The following PXDNL variants were observed in gnomAD, a reference collection of about 807,000 sequenced individuals.
PXDNL encodes the protein probable oxidoreductase PXDNL.
Under a neutral mutation model 150.8 loss-of-function variants are expected in PXDNL, and 145 were observed. The ratio of observed to expected loss-of-function variants is 0.96; its 90% CI spans 0.84 to 1.10. The LOEUF (loss-of-function observed/expected upper bound fraction) is 1.10, where lower values mean the gene tolerates loss of function less well. Ranked by LOEUF, PXDNL falls within the 50% of genes least tolerant of loss-of-function variation. The pLI is 0.00. For synonymous variants in PXDNL, 757 were observed against 725.7 expected, an observed-to-expected ratio of 1.04 and a Z score of -0.69; for missense variants, 2,087 against 1,873.9, an observed-to-expected ratio of 1.11 and a Z score of -2.10.
At position 51,506,920 on chromosome 8, in the gene PXDNL, A is replaced by T. The variant is rs2130322611; in HGVS notation, c.381-7150T>A. On this transcript the variant is annotated intron_variant, in intron 4 of 22. Transcript: ENST00000356297. Reference sequence around the variant, plus strand: ...CTAACCAAATTCATTATCTCTGGAAACTCTCCGATTTTTTTCATAGTGTCT... The same window carrying T: ...CTAACCAAATTCATTATCTCTGGAATCTCTCCGATTTTTTTCATAGTGTCT... 1.3e-5 allele frequency among the ~76,000 whole-genome samples: 2 copies of T among 151,570 alleles called. 1 individual carries two copies.
At chr8:51,602,152 C>T (rs758844531) in intron 2 of PXDNL, among the ~76,000 whole-genome samples, 86 of 151,674 alleles carry the variant, frequency 5.7e-4, no homozygotes, top group Non-Finnish European at 9.9e-4. Context: ...GGTGACTATA[C>T]GCCTTGGTGA....
chr8:51,468,768 C>G (rs1479784220), intron 8 of PXDNL, among the ~76,000 whole-genome samples: 1 of 151,872 alleles, frequency 6.6e-6, no homozygotes, highest in Non-Finnish European at 1.5e-5. Flanking sequence ...AATATGCACT[C>G]TTGACTTAAC....
chr8:51,492,140 T>C (rs980279486), intron 5 of PXDNL, among the ~76,000 whole-genome samples: 1 of 152,250 alleles, frequency 6.6e-6, no homozygotes, highest in Non-Finnish European at 1.5e-5. Flanking sequence ...ATTTATTTTG[T>C]ATATTAATTA....
chr8:51,601,815 G>A (rs539635153), intron 2 of PXDNL, among the ~76,000 whole-genome samples: 3 of 150,624 alleles, frequency 2.0e-5, no homozygotes, highest in Non-Finnish European at 4.4e-5. Flanking sequence ...TTTAATGTAG[G>A]GTCTGTAGGC....
chr8:51,737,967 A>G (rs1376974886), intron 1 of PXDNL, among the ~76,000 whole-genome samples: 1 of 152,050 alleles, frequency 6.6e-6, no homozygotes, highest in East Asian at 1.9e-4. Flanking sequence ...CTCTTTTCCA[A>G]TCTCTCATGT....
intron 17 of PXDNL, among the ~76,000 whole-genome samples, chr8:51,397,924 G>A (rs1808136799): frequency 6.7e-6 from 1 of 150,144 alleles, no homozygotes; most frequent in South Asian, 2.1e-4. Context: ...CCCCACAACA[G>A]GCCCCGGTGT....
At chr8:51,724,009 G>C (rs1816777874) in intron 1 of PXDNL, among the ~76,000 whole-genome samples, 1 of 150,732 alleles carries the variant, frequency 6.6e-6, no homozygotes, top group African/African-American at 2.4e-5. Context: ...AATAGGAGTG[G>C]AAGGTGCAGA....
chr8:51,578,102 AAAAGAAAG>A (rs148531515), intron 3 of PXDNL, among the ~76,000 whole-genome samples: 1 of 136,086 alleles, frequency 7.3e-6, no homozygotes, highest in African/African-American at 3.1e-5. Flanking sequence ...GAAAGAAAGA[AAAAGAAAG>A]AAAGAAAGAA....
intron 4 of PXDNL, among the ~76,000 whole-genome samples, chr8:51,542,021 T>G (rs1475549604): frequency 1.3e-5 from 2 of 152,238 alleles, no homozygotes; most frequent in Non-Finnish European, 1.5e-5. Context: ...GTGCTTTTTG[T>G]ACTAATAAGT....
At chr8:51,419,946 A>T (rs1808904090) in intron 14 of PXDNL, among the ~76,000 whole-genome samples, 1 of 152,234 alleles carries the variant, frequency 6.6e-6, no homozygotes, top group African/African-American at 2.4e-5. Context: ...CTGTTTACAA[A>T]TCTATTAGCT....
intron 8 of PXDNL, among the ~76,000 whole-genome samples, chr8:51,462,726 C>G (rs1246266634): frequency 6.6e-6 from 1 of 152,122 alleles, no homozygotes; most frequent in African/African-American, 2.4e-5. Flanking sequence ...GAAAACATAT[C>G]TGAGAATATA....
chr8:51,429,801 G>A (rs1474822803), intron 12 of PXDNL, among the ~76,000 whole-genome samples: 1 of 147,658 alleles, frequency 6.8e-6, no homozygotes, highest in Non-Finnish European at 1.5e-5. Context: ...CTGTATTTCT[G>A]AAAAAAATTA....
At chr8:51,429,456 C>G (rs545733879) in intron 12 of PXDNL, among the ~76,000 whole-genome samples, 1 of 152,210 alleles carries the variant, frequency 6.6e-6, no homozygotes, top group Admixed American at 6.5e-5. Flanking sequence ...AGGTGTGAGC[C>G]TTTAATTCCA....
At chr8:51,363,998 A>G (rs1806835184) in intron 19 of PXDNL, among the ~76,000 whole-genome samples, 1 of 152,208 alleles carries the variant, frequency 6.6e-6, no homozygotes, top group Non-Finnish European at 1.5e-5. Context: ...GGTAAAAGGT[A>G]TTGTAGATTA....
intron 4 of PXDNL, among the ~76,000 whole-genome samples, chr8:51,554,719 G>T (rs554210790): frequency 6.6e-6 from 1 of 152,220 alleles, no homozygotes; most frequent in South Asian, 2.1e-4. Context: ...GAAAATAATG[G>T]CCTTTACTCC....
Position 51,471,712 on chromosome 8 carries a change from A to T in PXDNL, c.812+475T>A, listed in dbSNP as rs907980371. On this transcript the variant is annotated intron_variant, in intron 8 of 22. Coordinates refer to ENST00000356297, the MANE Select transcript of PXDNL (RefSeq NM_144651.5). ...TTTTGGTTTTTTTTTTTTGAGATGG[A>T]GTCTTGCTCTGTTGCCCAGGCTGGA... Among the ~76,000 whole-genome samples, 3 of 143,548 alleles carry T rather than the reference A, an allele frequency of 2.1e-5. No individual in the cohort carries two copies. The East Asian group carries it at 6.1e-4, about 29-fold the overall frequency. The allele number at this position is 143,548 out of a possible 152,430, so 94.2% of individuals were successfully genotyped here.
intron 2 of PXDNL, among the ~76,000 whole-genome samples, chr8:51,625,375 T>G (rs2130743259): frequency 6.6e-6 from 1 of 152,242 alleles, no homozygotes; most frequent in South Asian, 2.1e-4. Context: ...CCATCAAATA[T>G]TTATAAAGGC....
intron 19 of PXDNL, among the ~76,000 whole-genome samples, chr8:51,371,036 C>T (rs1807097858): frequency 6.6e-6 from 1 of 152,238 alleles, no homozygotes; most frequent in African/African-American, 2.4e-5. Context: ...CTACACGGAG[C>T]AAGCATGAGG....
chr8:51,526,394 C>T (rs1811771816), intron 4 of PXDNL, among the ~76,000 whole-genome samples: 1 of 151,686 alleles, frequency 6.6e-6, no homozygotes, highest in Non-Finnish European at 1.5e-5. Flanking sequence ...GAGGTCAGTG[C>T]CAATGTTGAT....
Sources: allele counts gnomAD v4.1 joint callset (sites outside exome capture counted in the v4.1 genomes callset), GRCh38; gene constraint gnomAD v4.1.1; transcripts MANE v1.5; gene names NCBI Gene and HGNC (gene_info 2026-07-23, HGNC 2026-07-21).